Variants in MYO9A observed in about 807,000 individuals in gnomAD.
The protein encoded by MYO9A is unconventional myosin-IXa.
In MYO9A, 103 loss-of-function variants were observed where a neutral mutation model predicts 293.3. The ratio of observed to expected loss-of-function variants is 0.35; its 90% confidence interval spans 0.30 to 0.41. MYO9A has a LOEUF of 0.41. Ranked by LOEUF, MYO9A falls within the 10% of genes least tolerant of loss-of-function variation. The probability of loss-of-function intolerance (pLI) is 1.00; values close to 1 mark genes in which losing one functional copy is unlikely to be tolerated. For synonymous variants in MYO9A, 1,001 were observed against 1,035.7 expected (o/e 0.97, Z 0.64); for missense variants, 2,685 against 3,033.0 (o/e 0.89, Z 2.69).
intron 38 of MYO9A, 25 bp downstream of exon 38, chr15:71,850,011 C>A (rs2055566782): frequency 6.2e-7 from 1 of 1,612,656 alleles, no homozygotes; most frequent in South Asian, 1.1e-5. Flanking sequence ...TGAGGTCTTG[C>A]AAAGGTTATG....
intron 7 of MYO9A, among the ~76,000 whole-genome samples, chr15:72,008,492 GTGTGTGTGTGTGTA>G (rs2077082707): frequency 6.7e-6 from 1 of 148,606 alleles, no homozygotes; most frequent in African/African-American, 2.5e-5. Flanking sequence ...GTAAATGGGT[GTGTGTGTGTGTGTA>G]TGTGTGTGTG....
intron 13 of MYO9A, among the ~76,000 whole-genome samples, chr15:71,965,428 T>G (rs2075848069): frequency 6.6e-6 from 1 of 152,198 alleles, no homozygotes; most frequent in African/African-American, 2.4e-5. Context: ...TTGCTTTCCT[T>G]TTGCTTTATA....
chr15:71,896,265 A>G (rs1442794860), intron 25 of MYO9A, among the ~76,000 whole-genome samples: 3 of 152,202 alleles, frequency 2.0e-5, no homozygotes, highest in Non-Finnish European at 4.4e-5. Flanking sequence ...GTTATATATA[A>G]AAGGAGAGAA....
intron 11 of MYO9A, among the ~76,000 whole-genome samples, chr15:71,989,664 A>C (rs1234611681): frequency 1.3e-5 from 2 of 152,144 alleles, no homozygotes; most frequent in African/African-American, 2.4e-5. Context: ...GAAAAAGAAA[A>C]AAGAAAAAAA....
Position 71,897,416 on chromosome 15 carries a change from C to T in MYO9A, c.5042+45G>A, listed in dbSNP as rs555005800. The T allele has an allele frequency of 4.6e-6, 7 of 1,526,804 alleles. No individual in the cohort carries two copies. The East Asian group carries it at 1.4e-4, about 30-fold the overall frequency. 94.6% of individuals were successfully genotyped at this position (1,526,804 alleles called of 1,614,324 possible). On this transcript the variant is annotated intron_variant, in intron 25 of 41. Coordinates refer to ENST00000356056, the MANE Select transcript of MYO9A (RefSeq NM_006901.4). Reference sequence around the variant, plus strand: ...AGAACAAGGCACCTTAATAAAAATACTCCAAGAAGTTTCCCATTTATACAT... The same window carrying T: ...AGAACAAGGCACCTTAATAAAAATATTCCAAGAAGTTTCCCATTTATACAT...
intron 4 of MYO9A, among the ~76,000 whole-genome samples, chr15:72,024,134 T>C (rs1480000025): frequency 2.0e-5 from 3 of 152,168 alleles, no homozygotes; most frequent in Admixed American, 6.5e-5. Context: ...TTCACAGCTA[T>C]AGATGGTCCT....
chr15:71,900,314 T>C (rs549209834), intron 23 of MYO9A, among the ~76,000 whole-genome samples: 14 of 151,304 alleles, frequency 9.3e-5, no homozygotes, highest in Middle Eastern at 3.4e-3. Flanking sequence ...TGGGTGCCTA[T>C]AGTCCCAGCT....
At chr15:71,925,967 T>C (rs751362803) in intron 18 of MYO9A, among the ~76,000 whole-genome samples, 7 of 152,210 alleles carry the variant, frequency 4.6e-5, no homozygotes, top group Non-Finnish European at 8.8e-5. Flanking sequence ...TGTCCCCGTA[T>C]TGACCTGTGC....
chr15:71,886,120 T>G (rs929435995), intron 27 of MYO9A, among the ~76,000 whole-genome samples: 1 of 151,752 alleles, frequency 6.6e-6, no homozygotes, highest in African/African-American at 2.4e-5. Context: ...TCTGTTAATT[T>G]TGGTTTCTTC....
At chr15:72,075,167 T>C (rs897587894) in intron 1 of MYO9A, among the ~76,000 whole-genome samples, 5 of 152,010 alleles carry the variant, frequency 3.3e-5, no homozygotes, top group Admixed American at 2.0e-4. Flanking sequence ...GGTTTCACCA[T>C]GTTGGTCAGG....
intron 18 of MYO9A, among the ~76,000 whole-genome samples, chr15:71,932,509 TCA>T (rs2058505912): frequency 6.6e-6 from 1 of 151,772 alleles, no homozygotes; most frequent in African/African-American, 2.4e-5. Flanking sequence ...ACGCTGGAAC[TCA>T]CAGTCAGTAT....
chr15:72,091,383 T>C (rs551052256), intron 1 of MYO9A, among the ~76,000 whole-genome samples: 21 of 152,328 alleles, frequency 1.4e-4, no homozygotes, highest in African/African-American at 4.6e-4. Flanking sequence ...TTTTCTTGTT[T>C]TTCTTTTCTT....
intron 12 of MYO9A, among the ~76,000 whole-genome samples, chr15:71,968,536 A>G (rs76810452): frequency 6.6e-6 from 1 of 152,350 alleles, no homozygotes; most frequent in East Asian, 1.9e-4. Context: ...CTAAAAATCC[A>G]TAAGAATTAT....
chr15:71,842,157 G>A (rs970588618), intron 39 of MYO9A, among the ~76,000 whole-genome samples: 3 of 151,910 alleles, frequency 2.0e-5, no homozygotes, highest in Non-Finnish European at 4.4e-5. Flanking sequence ...CAGATCACCT[G>A]AGGTCAGGAG....
chr15:72,041,092 A>C, intron 2 of MYO9A: 1 of 489,538 alleles, frequency 2.0e-6, no homozygotes, highest in Admixed American at 2.4e-5. Context: ...AAAAAATACA[A>C]AAATTAGCCA....
intron 1 of MYO9A, among the ~76,000 whole-genome samples, chr15:72,088,125 T>G (rs765175251): frequency 6.6e-6 from 1 of 152,204 alleles, no homozygotes; most frequent in Non-Finnish European, 1.5e-5. Flanking sequence ...GACAACACCT[T>G]GATCTTGGAC....
chr15:72,092,970 C>T (rs1046865157), intron 1 of MYO9A, among the ~76,000 whole-genome samples: 5 of 151,622 alleles, frequency 3.3e-5, no homozygotes, highest in Admixed American at 1.3e-4. Context: ...ATTCCCATCA[C>T]CTAGATGAAG....
chr15:71,939,499 T>G (rs1282047458), intron 15 of MYO9A, among the ~76,000 whole-genome samples: 1 of 152,208 alleles, frequency 6.6e-6, no homozygotes, highest in Non-Finnish European at 1.5e-5. Flanking sequence ...GACAATAGCC[T>G]CCAGCTCCAT....
intron 19 of MYO9A, among the ~76,000 whole-genome samples, chr15:71,912,856 C>T (rs146267179): frequency 6.6e-6 from 1 of 152,152 alleles, no homozygotes; most frequent in African/African-American, 2.4e-5. Flanking sequence ...AGTTTCTGAT[C>T]ATCTTCACTT....
Sources: allele counts gnomAD v4.1 joint callset (sites outside exome capture counted in the v4.1 genomes callset), GRCh38; gene constraint gnomAD v4.1.1; transcripts MANE v1.5; gene names NCBI Gene and HGNC (gene_info 2026-07-23, HGNC 2026-07-21).